Variants in ADAM32 observed in about 807,000 individuals in gnomAD.
The protein encoded by ADAM32 is ADAM metallopeptidase domain 32, also known as disintegrin and metalloproteinase domain-containing protein 32.
In ADAM32, 89 loss-of-function variants were observed where a neutral mutation model predicts 114.9. That is an observed-to-expected ratio of 0.77 (90% confidence interval 0.65 to 0.92). The LOEUF is 0.92. Ranked by LOEUF, ADAM32 falls within the 40% of genes least tolerant of loss-of-function variation. The pLI, the probability that ADAM32 is intolerant of heterozygous loss-of-function variation, is 0.00. For missense variants in ADAM32, 870 were observed against 932.8 expected (o/e 0.93, Z 0.88); for synonymous variants, 285 against 307.5 (o/e 0.93, Z 0.77).
rs755556926 is a variant in ADAM32, at chr8:39,233,891, G to A, written c.1635-8G>A. Reference sequence around the variant, plus strand: ...TATAATAATCATATATATTTTTTATGTTTTCAGGAATCTTATATGTGGAAG... The same window carrying A: ...TATAATAATCATATATATTTTTTATATTTTCAGGAATCTTATATGTGGAAG... On this transcript the variant is annotated splice_polypyrimidine_tract_variant and splice_region_variant and intron_variant, in intron 15 of 24. Coordinates refer to ENST00000379907, the MANE Select transcript of ADAM32 (RefSeq NM_145004.7). 1 of 1,469,004 alleles carries A rather than the reference G, an allele frequency of 6.8e-7. No individual in the cohort carries two copies. Among genetic ancestry groups the A allele is most frequent in the Non-Finnish European group, 9.1e-7 (1 of 1,102,080 alleles). The allele number at this position is 1,469,004 out of a possible 1,614,324, so 91.0% of individuals were successfully genotyped here. A position where few individuals can be genotyped will look rare whatever the true frequency, so the allele number is the denominator to read the frequency against.
chr8:39,122,248 G>T (rs1003605841), intron 2 of ADAM32, among the ~76,000 whole-genome samples: 1 of 152,198 alleles, frequency 6.6e-6, no homozygotes, highest in Admixed American at 6.5e-5. Context: ...CCATAGGGAA[G>T]AATGTTATGA....
chr8:39,144,989 A>G (rs1803411228), intron 3 of ADAM32, among the ~76,000 whole-genome samples: 1 of 152,236 alleles, frequency 6.6e-6, no homozygotes, highest in South Asian at 2.1e-4. Context: ...TATAAAATCA[A>G]CATACAAAAA....
intron 1 of ADAM32, among the ~76,000 whole-genome samples, chr8:39,109,280 GCCT>G (rs1840055379): frequency 6.6e-6 from 1 of 152,142 alleles, no homozygotes; most frequent in Non-Finnish European, 1.5e-5. Context: ...GGTGGCTCAC[GCCT>G]GTAATCCCAG....
chr8:39,185,536 A>C (rs1432204177), intron 10 of ADAM32, among the ~76,000 whole-genome samples: 1 of 152,158 alleles, frequency 6.6e-6, no homozygotes, highest in African/African-American at 2.4e-5. Flanking sequence ...CATATTCCTG[A>C]AACTCAGCAC....
intron 4 of ADAM32, among the ~76,000 whole-genome samples, chr8:39,149,523 G>T (rs747509902): frequency 2.6e-5 from 4 of 152,078 alleles, no homozygotes; most frequent in African/African-American, 7.2e-5. Flanking sequence ...TGTACTGGAA[G>T]ATATTTTTAC....
chr8:39,169,669 T>A (rs1805070356), intron 9 of ADAM32: 1 of 314,994 alleles, frequency 3.2e-6, no homozygotes, highest in Admixed American at 4.6e-5. Flanking sequence ...ATGAGAACAC[T>A]AAAGGCATTA....
intron 3 of ADAM32, among the ~76,000 whole-genome samples, chr8:39,140,909 A>G (rs1026907628): frequency 1.2e-4 from 18 of 152,122 alleles, no homozygotes; most frequent in African/African-American, 4.3e-4. Flanking sequence ...GAATTTATCC[A>G]TTTCTTCTAG....
chr8:39,168,574 T>A (rs1170781316), intron 9 of ADAM32: 1 of 152,216 alleles, frequency 6.6e-6, no homozygotes, highest in Non-Finnish European at 1.5e-5. Flanking sequence ...TGAAAACTTT[T>A]ACATTTCATA....
chr8:39,130,954 G>GTTTTTTT, intron 2 of ADAM32: 4 of 337,716 alleles, frequency 1.2e-5, no homozygotes, highest in South Asian at 2.1e-5. Context: ...GCAGGAGGAT[G>GTTTTTTT]TCTTTTTTTT....
chr8:39,273,095 G>A (rs1175517581), intron 20 of ADAM32, among the ~76,000 whole-genome samples: 1 of 152,118 alleles, frequency 6.6e-6, no homozygotes, highest in Non-Finnish European at 1.5e-5. Context: ...GCTGTCATTG[G>A]CCAGGATAAC....
intron 11 of ADAM32, among the ~76,000 whole-genome samples, chr8:39,204,049 C>G (rs1190752856): frequency 6.6e-6 from 1 of 152,206 alleles, no homozygotes; most frequent in East Asian, 1.9e-4. Context: ...ACCCGTCTCT[C>G]TGGCTGCCCT....
chr8:39,193,603 G>A (rs146520906), intron 11 of ADAM32, among the ~76,000 whole-genome samples: 52 of 152,278 alleles, frequency 3.4e-4, no homozygotes, highest in African/African-American at 1.0e-3. Context: ...GAGTTCTTCC[G>A]CTGGTTCTTT....
At chr8:39,218,108 T>C (rs984468150) in intron 12 of ADAM32, among the ~76,000 whole-genome samples, 2 of 152,112 alleles carry the variant, frequency 1.3e-5, no homozygotes, top group Non-Finnish European at 2.9e-5. Context: ...TGTGGTTTTT[T>C]GCAGACTCTT....
chr8:39,130,956 C>CTTTTT (rs71218310), intron 2 of ADAM32: 46,777 of 320,780 alleles, frequency 0.15, 2,777 homozygotes, highest in Middle Eastern at 0.17. Flanking sequence ...AGGAGGATGT[C>CTTTTT]TTTTTTTTTT....
At chr8:39,124,813 T>G (rs1180541356) in intron 2 of ADAM32, among the ~76,000 whole-genome samples, 2 of 152,176 alleles carry the variant, frequency 1.3e-5, no homozygotes, top group Non-Finnish European at 2.9e-5. Context: ...AACATACATG[T>G]GTATGTATCT....
At chr8:39,194,354 G>A (rs1307956192) in intron 11 of ADAM32, among the ~76,000 whole-genome samples, 2 of 152,142 alleles carry the variant, frequency 1.3e-5, no homozygotes, top group African/African-American at 4.8e-5. Context: ...CAATGGTGGT[G>A]CAGCAGAGGG....
intron 7 of ADAM32, among the ~76,000 whole-genome samples, chr8:39,162,876 C>T (rs1418209071): frequency 1.3e-5 from 2 of 152,058 alleles, no homozygotes; most frequent in African/African-American, 4.8e-5. Context: ...TGGTGGACAC[C>T]TGTAGTCCCA....
At chr8:39,198,200 A>G (rs376386126) in intron 11 of ADAM32, among the ~76,000 whole-genome samples, 1 of 151,252 alleles carries the variant, frequency 6.6e-6, no homozygotes, top group South Asian at 2.1e-4. Context: ...TTTGGTCTAC[A>G]TGTCTTTACA....
intron 10 of ADAM32, among the ~76,000 whole-genome samples, chr8:39,178,860 C>T (rs1805673862): frequency 6.6e-6 from 1 of 152,148 alleles, no homozygotes; most frequent in African/African-American, 2.4e-5. Context: ...GGAGGTATCA[C>T]CAGTGAAGGC....
Sources: allele counts gnomAD v4.1 joint callset (sites outside exome capture counted in the v4.1 genomes callset), GRCh38; gene constraint gnomAD v4.1.1; transcripts MANE v1.5; gene names NCBI Gene and HGNC (gene_info 2026-07-23, HGNC 2026-07-21).